The following ZNF736 variants were observed in gnomAD, a reference collection of about 807,000 sequenced individuals.
ZNF736 encodes KRAB-containing zinc-finger repressor protein.
Under a neutral mutation model 11.7 loss-of-function variants are expected in ZNF736, and 6 were observed. The ratio of observed to expected loss-of-function variants is 0.51; its 90% CI spans 0.28 to 1.01. The LOEUF is 1.01. ZNF736 is among the 50% of genes least tolerant of loss of function. The pLI, the probability that ZNF736 is intolerant of heterozygous loss-of-function variation, is 0.09. For synonymous variants in ZNF736, 139 were observed against 164.7 expected (o/e 0.84, Z 1.19); for missense variants, 444 against 496.0 (o/e 0.90, Z 1.00).
intron 3 of ZNF736, among the ~76,000 whole-genome samples, chr7:64,342,741 G>A (rs143040538): frequency 6.6e-6 from 1 of 152,012 alleles, no homozygotes; most frequent in African/African-American, 2.4e-5. Flanking sequence ...AGGTAAACTA[G>A]ATAATTAATA....
At chr7:64,346,670 C>A (rs1006982475) in intron 3 of ZNF736, among the ~76,000 whole-genome samples, 13 of 151,940 alleles carry the variant, frequency 8.6e-5, no homozygotes, top group Admixed American at 8.5e-4. Flanking sequence ...TGTTAGAAAT[C>A]TCTTTGTGTT....
At chr7:64,320,413 A>G (rs114017493) in intron 1 of ZNF736, among the ~76,000 whole-genome samples, 300 of 152,360 alleles carry the variant, frequency 2.0e-3, no homozygotes, top group Middle Eastern at 0.014. Flanking sequence ...ATCAAATAAT[A>G]AAAACAAATA....
Position 64,319,488 on chromosome 7 carries a change from C to CTTTTTTTTTT in ZNF736, c.3+5335_3+5336insTTTTTTTTTT, listed in dbSNP as rs1408764142. On this transcript the variant is annotated intron_variant, in intron 1 of 3. Coordinates refer to ENST00000423484, the MANE Select transcript of ZNF736 (RefSeq NM_001170905.3). Reference sequence around the variant, plus strand: ...CCAGGTAAATAGAAAACATTTCTTCCCTTTTTTTTTTTTTTTTTTTTTTTT... The same window carrying CTTTTTTTTTT: ...CCAGGTAAATAGAAAACATTTCTTCCTTTTTTTTTTCTTTTTTTTTTTTTTTTTTTTTTTT... Among the ~76,000 whole-genome samples, 7 of 75,248 alleles carry CTTTTTTTTTT rather than the reference C, an allele frequency of 9.3e-5. 3 individuals are homozygous for CTTTTTTTTTT. The highest frequency in any genetic ancestry group is 2.7e-4 in the African/African-American group (5 of 18,344). 49.4% of individuals were successfully genotyped at this position (75,248 alleles called of 152,430 possible). A position where few individuals can be genotyped will look rare whatever the true frequency, so the allele number is the denominator to read the frequency against.
At position 64,337,028 on chromosome 7, in the gene ZNF736, A is replaced by G. The variant is rs184572277; in HGVS notation, c.226+46A>G. The G allele has an allele frequency of 6.3e-3, 9,501 of 1,514,478 alleles. 64 individuals carry two copies. The highest frequency in any genetic ancestry group is 0.017 in the Middle Eastern group (102 of 5,892). The allele number at this position is 1,514,478 out of a possible 1,614,324, so 93.8% of individuals were successfully genotyped here. ...CAGATGACACAAATGACGGATCCCAATGTCAAGGAGGAAGCCAAACCTTTA... is the reference window on the plus strand; with the variant it reads ...CAGATGACACAAATGACGGATCCCAGTGTCAAGGAGGAAGCCAAACCTTTA... On this transcript the variant is annotated intron_variant, in intron 3 of 3. Coordinates refer to ENST00000423484, the MANE Select transcript of ZNF736 (RefSeq NM_001170905.3).
chr7:64,336,019 C>G (rs1332172699), intron 1 of ZNF736, among the ~76,000 whole-genome samples: 2 of 152,244 alleles, frequency 1.3e-5, no homozygotes, highest in Admixed American at 6.5e-5. Context: ...GTGTTAATGT[C>G]CTTTATTTTA....
rs1414417320 is a variant in ZNF736, at chr7:64,352,238, T to C, written c.*3091T>C. 1 of 152,236 alleles carries C rather than the reference T, an allele frequency of 6.6e-6. No homozygotes were observed. Among genetic ancestry groups the C allele is most frequent in the Non-Finnish European group, 1.5e-5 (1 of 68,084 alleles). 9.4% of individuals were successfully genotyped at this position (152,236 alleles called of 1,614,324 possible). On this transcript the variant is annotated 3_prime_UTR_variant, in exon 4 of 4. Transcript: ENST00000423484. ...ACCTCAGATTTTCCAGTACTGGAAGTTATCACCACTGAATGCTGCAAAACA... is the reference window on the plus strand; with the variant it reads ...ACCTCAGATTTTCCAGTACTGGAAGCTATCACCACTGAATGCTGCAAAACA...
At chr7:64,344,421 A>G (rs1160224707) in intron 3 of ZNF736, among the ~76,000 whole-genome samples, 4 of 152,336 alleles carry the variant, frequency 2.6e-5, no homozygotes, top group Non-Finnish European at 2.9e-5. Flanking sequence ...TGTAAAAGAA[A>G]TATGCTATAC....
At chr7:64,347,177 T>G (rs2115966652) in intron 3 of ZNF736, among the ~76,000 whole-genome samples, 1 of 151,818 alleles carries the variant, frequency 6.6e-6, no homozygotes, top group Admixed American at 6.6e-5. Flanking sequence ...TATGGATGTT[T>G]TCTCTGAGCT....
rs1789318843 is a variant in ZNF736, at chr7:64,340,250, G to A, written c.226+3268G>A. ...AACTGTGACTATCAGTGCTGAAACTGAGTCACTGAACTGTTTCAGAGAGCA... is the reference window on the plus strand; with the variant it reads ...AACTGTGACTATCAGTGCTGAAACTAAGTCACTGAACTGTTTCAGAGAGCA... On this transcript the variant is annotated intron_variant, in intron 3 of 3. Transcript: ENST00000423484. Among the ~76,000 whole-genome samples, 4 of 152,316 alleles carry A rather than the reference G, an allele frequency of 2.6e-5. No homozygotes were observed. In the South Asian group the frequency reaches 8.3e-4, roughly 32 times the overall value.
intron 1 of ZNF736, among the ~76,000 whole-genome samples, chr7:64,323,138 A>G (rs541039259): frequency 3.9e-5 from 6 of 152,348 alleles, no homozygotes; most frequent in Admixed American, 3.9e-4. Context: ...AATTCTAACC[A>G]ATTACAGCTG....
intron 3 of ZNF736, among the ~76,000 whole-genome samples, chr7:64,340,312 C>A (rs140007041): frequency 1.8e-3 from 267 of 152,284 alleles, no homozygotes; most frequent in African/African-American, 5.8e-3. Flanking sequence ...ACTGCTGTAA[C>A]CACAAACAGG....
At chr7:64,337,044 C>A in intron 3 of ZNF736, 62 bp downstream of exon 3, 1 of 1,379,404 alleles carries the variant, frequency 7.2e-7, no homozygotes, top group Non-Finnish European at 1.0e-6. Context: ...AGGAGGAAGC[C>A]AAACCTTTAA....
At chr7:64,317,882 C>T (rs1245318210) in intron 1 of ZNF736, among the ~76,000 whole-genome samples, 2 of 151,750 alleles carry the variant, frequency 1.3e-5, no homozygotes, top group South Asian at 2.1e-4. Context: ...GCAAAATTGC[C>T]GTTTCTTTAA....
chr7:64,352,865 ACC>A lies in ZNF736; in HGVS notation c.*3719_*3720del, dbSNP rs1416233537. ...CATCCCAGGGAGGTGCAGTGCTGCT[ACC>A]AATGGTTGGCTGGAATCTAAGCCAG... On this transcript the variant is annotated 3_prime_UTR_variant, in exon 4 of 4. Coordinates refer to ENST00000423484, the MANE Select transcript of ZNF736 (RefSeq NM_001170905.3). The A allele has an allele frequency of 6.6e-6, 1 of 152,256 alleles. No homozygotes were observed. Among genetic ancestry groups the A allele is most frequent in the Admixed American group, 6.5e-5 (1 of 15,278 alleles). 9.4% of individuals were successfully genotyped at this position (152,256 alleles called of 1,614,324 possible).
intron 1 of ZNF736, among the ~76,000 whole-genome samples, chr7:64,322,035 G>GGC (rs1428636693): frequency 8.4e-5 from 2 of 23,884 alleles, no homozygotes; most frequent in Non-Finnish European, 2.5e-4. Context: ...TTGAACTACA[G>GGC]TCTGAATTTA....
intron 1 of ZNF736, among the ~76,000 whole-genome samples, chr7:64,314,917 C>G (rs1788891040): frequency 6.6e-6 from 1 of 152,154 alleles, no homozygotes; most frequent in Non-Finnish European, 1.5e-5. Context: ...TGTTTTCCAG[C>G]CCAAATCTCC....
In ZNF736 at chr7:64,314,027, C is replaced by G; in HGVS notation, c.-124C>G. The G allele has an allele frequency of 7.3e-7, 1 of 1,375,198 alleles. No individual in the cohort carries two copies. The allele number at this position is 1,375,198 out of a possible 1,614,324, so 85.2% of individuals were successfully genotyped here. ...CGGGCTCTGATCCTAGTTCGCGTCT[C>G]CACTGTTCCATCTCCTCCGTTCCTG... On this transcript the variant is annotated 5_prime_UTR_variant, in exon 1 of 4. Transcript: ENST00000423484.
intron 3 of ZNF736, among the ~76,000 whole-genome samples, chr7:64,338,300 TAATAC>T (rs1361066613): frequency 6.6e-6 from 1 of 152,210 alleles, no homozygotes; most frequent in Non-Finnish European, 1.5e-5. Context: ...AAGAAATGAT[TAATAC>T]AATCAAATTA....
chr7:64,317,141 A>G (rs1026328317), intron 1 of ZNF736, among the ~76,000 whole-genome samples: 42 of 152,348 alleles, frequency 2.8e-4, no homozygotes, highest in Admixed American at 1.8e-3. Flanking sequence ...CAATAAAAAG[A>G]TATTTCCCAC....
Sources: gnomAD v4.1 joint callset for allele counts (sites outside exome capture counted in the v4.1 genomes callset) on GRCh38, gnomAD v4.1.1 for gene constraint, MANE v1.5 for transcripts, NCBI Gene and HGNC (gene_info 2026-07-23, HGNC 2026-07-21) for gene names.